FBXL2: variants seen among roughly 807,000 people sequenced by gnomAD.
FBXL2 encodes the protein F-box/LRR-repeat protein 2.
Under a neutral mutation model 69.2 loss-of-function variants are expected in FBXL2, and 38 were observed. That is an observed-to-expected ratio of 0.55 (90% CI 0.42 to 0.72). FBXL2 has a LOEUF of 0.72. Among genes scored for constraint, FBXL2 ranks in the 30% least tolerant of loss-of-function variants. The pLI, the probability that FBXL2 is intolerant of heterozygous loss-of-function variation, is 0.00. For missense variants in FBXL2, 354 were observed against 520.3 expected (o/e 0.68, Z 3.11); for synonymous variants, 192 against 201.3 (o/e 0.95, Z 0.39).
chr3:33,313,124 A>G (rs75732345), intron 2 of FBXL2, among the ~76,000 whole-genome samples: 1 of 150,026 alleles, frequency 6.7e-6, no homozygotes, highest in Non-Finnish European at 1.5e-5. Flanking sequence ...GTCTCCAAGA[A>G]AAAAAAAAAA....
At chr3:33,321,327 GAAAAAAGAA>G (rs1389924635) in intron 2 of FBXL2, among the ~76,000 whole-genome samples, 1 of 145,340 alleles carries the variant, frequency 6.9e-6, no homozygotes, top group East Asian at 2.0e-4. Context: ...AAAAGAAAAA[GAAAAAAGAA>G]AAAAAAGAAA....
chr3:33,338,756 T>C lies in FBXL2; in HGVS notation c.66-20211T>C, dbSNP rs145692486. Reference sequence around the variant, plus strand: ...AGATTGAAACTAGAATCCTTCCTTTTACTATATACAAAAATCAGCTCAAGG... The same window carrying C: ...AGATTGAAACTAGAATCCTTCCTTTCACTATATACAAAAATCAGCTCAAGG... On this transcript the variant is annotated intron_variant, in intron 2 of 14. Coordinates refer to ENST00000484457, the MANE Select transcript of FBXL2 (RefSeq NM_012157.5). 5.8e-3 allele frequency among the ~76,000 whole-genome samples: 878 copies of C among 152,268 alleles called. 12 individuals carry two copies. Among genetic ancestry groups the C allele is most frequent in the Middle Eastern group, 0.037 (11 of 294 alleles).
chr3:33,357,458 A>G (rs996596099), intron 2 of FBXL2, among the ~76,000 whole-genome samples: 5 of 150,552 alleles, frequency 3.3e-5, no homozygotes, highest in African/African-American at 9.8e-5. Context: ...ATCCTAAAAT[A>G]TATTGAATAT....
At chr3:33,348,600 G>T (rs542878576) in intron 2 of FBXL2, among the ~76,000 whole-genome samples, 1 of 151,960 alleles carries the variant, frequency 6.6e-6, no homozygotes, top group Non-Finnish European at 1.5e-5. Flanking sequence ...TTTGCTTTGG[G>T]TAATATGGAC....
At chr3:33,370,824 G>A (rs189214554) in intron 5 of FBXL2, among the ~76,000 whole-genome samples, 2 of 152,214 alleles carry the variant, frequency 1.3e-5, no homozygotes, top group East Asian at 3.9e-4. Flanking sequence ...ATATGCCTTG[G>A]TGTGTTTTTC....
chr3:33,286,380 C>T (rs2034616962), intron 1 of FBXL2, among the ~76,000 whole-genome samples: 1 of 152,182 alleles, frequency 6.6e-6, no homozygotes, highest in African/African-American at 2.4e-5. Flanking sequence ...AATGTTGCTG[C>T]CTGATCCTTC....
At chr3:33,363,233 G>T (rs1007334979) in intron 4 of FBXL2, among the ~76,000 whole-genome samples, 1 of 152,122 alleles carries the variant, frequency 6.6e-6, no homozygotes, top group African/African-American at 2.4e-5. Flanking sequence ...TACAGAAAGG[G>T]TTTCACCATG....
intron 2 of FBXL2, among the ~76,000 whole-genome samples, chr3:33,323,037 A>C (rs1307435819): frequency 6.6e-6 from 1 of 152,114 alleles, no homozygotes; most frequent in Non-Finnish European, 1.5e-5. Flanking sequence ...CAGCCTCTTG[A>C]ATTGCTACCT....
intron 2 of FBXL2, among the ~76,000 whole-genome samples, chr3:33,319,649 T>C (rs190521189): frequency 5.5e-4 from 84 of 152,328 alleles, no homozygotes; most frequent in African/African-American, 1.8e-3. Context: ...TTAGCATCTA[T>C]ACAGTTGATT....
intron 2 of FBXL2, among the ~76,000 whole-genome samples, chr3:33,329,942 A>C (rs144915542): frequency 2.0e-5 from 3 of 151,918 alleles, no homozygotes; most frequent in Non-Finnish European, 2.9e-5. Context: ...GTGACATCAC[A>C]CTCAAGCCTG....
At chr3:33,368,772 G>A (rs2042110042) in intron 5 of FBXL2, among the ~76,000 whole-genome samples, 1 of 151,872 alleles carries the variant, frequency 6.6e-6, no homozygotes, top group South Asian at 2.1e-4. Context: ...ATTTTTAGTA[G>A]AGATGGGGTT....
intron 5 of FBXL2, chr3:33,372,776 CTCATGATTCGGT>C (rs2042376540): frequency 2.1e-6 from 1 of 468,800 alleles, no homozygotes; most frequent in Non-Finnish European, 3.9e-6. Flanking sequence ...GGCCTCTATT[CTCATGATTCGGT>C]GATGACTCAC....
At chr3:33,412,970 T>C in the FBXL2 span, 8 of 517,818 alleles carry the variant, frequency 1.5e-5, no homozygotes, top group Admixed American at 2.7e-4. Flanking sequence ...GTGAACTCTT[T>C]TGCCCTTGGA....
chr3:33,336,495 A>G (rs927681583), intron 2 of FBXL2, among the ~76,000 whole-genome samples: 1 of 152,270 alleles, frequency 6.6e-6, no homozygotes, highest in Non-Finnish European at 1.5e-5. Flanking sequence ...AGAAGAAAAT[A>G]CACAAGAATA....
intron 7 of FBXL2, 87 bp from the exon 8 acceptor site, chr3:33,373,491 A>G (rs1400670231): frequency 6.3e-7 from 1 of 1,594,052 alleles, no homozygotes; most frequent in Non-Finnish European, 8.6e-7. Flanking sequence ...CCCCTTCGGA[A>G]TTTCTTGTGA....
At chr3:33,374,060 A>G in intron 9 of FBXL2, 139 bp downstream of exon 9, 2 of 693,992 alleles carry the variant, frequency 2.9e-6, no homozygotes, top group Non-Finnish European at 5.0e-6. Context: ...GTGTCCTTAT[A>G]TAACCTACCA....
At chr3:33,295,597 T>G (rs528505279) in intron 1 of FBXL2, among the ~76,000 whole-genome samples, 8 of 152,352 alleles carry the variant, frequency 5.3e-5, no homozygotes, top group African/African-American at 1.9e-4. Context: ...CTCTTTAGTC[T>G]TGACTTACAA....
intron 2 of FBXL2, 72 bp from the exon 3 acceptor site, chr3:33,358,895 T>C: frequency 1.0e-6 from 1 of 980,868 alleles, no homozygotes; most frequent in South Asian, 2.0e-5. Flanking sequence ...GATTAGAGTT[T>C]ATCTTTCAAG....
downstream of FBXL2, among the ~76,000 whole-genome samples, chr3:33,405,215 TAAAAC>T (rs1373321410): frequency 6.6e-6 from 1 of 152,164 alleles, no homozygotes; most frequent in Non-Finnish European, 1.5e-5. Flanking sequence ...TTTTCAGGCA[TAAAAC>T]TATGTCATAT....
Sources: gnomAD v4.1 joint callset for allele counts (sites outside exome capture counted in the v4.1 genomes callset) on GRCh38, gnomAD v4.1.1 for gene constraint, MANE v1.5 for transcripts, NCBI Gene and HGNC (gene_info 2026-07-23, HGNC 2026-07-21) for gene names.